LRMDA: variants seen among roughly 807,000 people sequenced by gnomAD.
LRMDA encodes leucine-rich melanocyte differentiation-associated protein.
In LRMDA, 18 loss-of-function variants were observed where a neutral mutation model predicts 29.8. That is an observed-to-expected ratio of 0.60 (90% CI 0.42 to 0.90). The LOEUF is 0.90. Among genes scored for constraint, LRMDA ranks in the 40% least tolerant of loss-of-function variants. The pLI, the probability that LRMDA is intolerant of heterozygous loss-of-function variation, is 0.00. For synonymous variants in LRMDA, 125 were observed against 109.4 expected (o/e 1.14, Z -0.89); for missense variants, 273 against 273.9 (o/e 1.00, Z 0.02).
chr10:76,080,333 T>C lies in LRMDA; in HGVS notation c.516+21550T>C, dbSNP rs146346681. 5.7e-4 allele frequency among the ~76,000 whole-genome samples: 87 copies of C among 152,308 alleles called. 1 individual carries two copies. The highest frequency in any genetic ancestry group is 2.0e-3 in the African/African-American group (85 of 41,564). ...CCCAAGTGAGAAGGCAAGGAATGTA[T>C]CTCATCTACCTTCTGTTTACCCCAT... On this transcript the variant is annotated intron_variant, in intron 5 of 6. Transcript: ENST00000611255.
intron 5 of LRMDA, among the ~76,000 whole-genome samples, chr10:76,227,227 G>A (rs1307140202): frequency 6.6e-6 from 1 of 152,160 alleles, no homozygotes; most frequent in African/African-American, 2.4e-5. Flanking sequence ...TTCCTCCTTG[G>A]ATTCAAAGTC....
At chr10:75,469,912 T>A (rs1844706116) in intron 2 of LRMDA, among the ~76,000 whole-genome samples, 1 of 152,192 alleles carries the variant, frequency 6.6e-6, no homozygotes, top group South Asian at 2.1e-4. Flanking sequence ...CTCTTGGTTG[T>A]CTATTGTGTG....
intron 2 of LRMDA, among the ~76,000 whole-genome samples, chr10:75,674,117 G>A (rs1202794152): frequency 6.6e-6 from 1 of 152,128 alleles, no homozygotes; most frequent in Non-Finnish European, 1.5e-5. Flanking sequence ...GTTTTTCCTT[G>A]GATAGATATT....
rs535122211 is a variant in LRMDA at position 75,861,490 on chromosome 10, G to A, written c.132-174518G>A. On this transcript the variant is annotated intron_variant, in intron 2 of 6. Coordinates refer to ENST00000611255, the MANE Select transcript of LRMDA (RefSeq NM_001305581.2). ...TGCAGTATTCCTTGTGTTATCACTGGCTATGTCTAGAGTTTTTCAAATTAA... is the reference window on the plus strand; with the variant it reads ...TGCAGTATTCCTTGTGTTATCACTGACTATGTCTAGAGTTTTTCAAATTAA... Among the ~76,000 whole-genome samples, 11 of 152,272 alleles carry A rather than the reference G, an allele frequency of 7.2e-5. No homozygotes were observed. The South Asian group carries it at 2.3e-3, about 32-fold the overall frequency.
chr10:76,452,187 A>C (rs1336402308), intron 6 of LRMDA, among the ~76,000 whole-genome samples: 3 of 152,084 alleles, frequency 2.0e-5, no homozygotes, highest in African/African-American at 7.2e-5. Flanking sequence ...CTATGCTCTT[A>C]TTTTGCTTCT....
At chr10:76,365,911 T>G (rs547452466) in intron 6 of LRMDA, among the ~76,000 whole-genome samples, 1 of 152,190 alleles carries the variant, frequency 6.6e-6, no homozygotes, top group Non-Finnish European at 1.5e-5. Context: ...CCATCTTGAG[T>G]TGATTTTTGT....
rs571164916 is a variant in LRMDA, at chr10:75,786,347, G to A, written c.132-249661G>A. Among the ~76,000 whole-genome samples the A allele has an allele frequency of 9.9e-5, 15 of 152,210 alleles. No homozygotes were observed. In the South Asian group the frequency reaches 2.1e-3, roughly 21 times the overall value. ...TTGGGGCTCCAGAACAAGTATCCAGGCACCTAAATGGTATCTAGCTAATAT... is the reference window on the plus strand; with the variant it reads ...TTGGGGCTCCAGAACAAGTATCCAGACACCTAAATGGTATCTAGCTAATAT... On this transcript the variant is annotated intron_variant, in intron 2 of 6. Transcript: ENST00000611255.
At chr10:76,511,443 C>G (rs1268039342) in intron 6 of LRMDA, among the ~76,000 whole-genome samples, 1 of 151,892 alleles carries the variant, frequency 6.6e-6, no homozygotes, top group African/African-American at 2.4e-5. Flanking sequence ...CTGTCAGCAG[C>G]CAGATAATGG....
chr10:76,237,152 C>T (rs933569667), intron 5 of LRMDA, among the ~76,000 whole-genome samples: 10 of 152,034 alleles, frequency 6.6e-5, no homozygotes, highest in African/African-American at 1.4e-4. Context: ...CTACTGCATT[C>T]GAGCCTGGGC....
intron 2 of LRMDA, among the ~76,000 whole-genome samples, chr10:75,440,778 G>A (rs1223590085): frequency 6.6e-6 from 1 of 152,192 alleles, no homozygotes; most frequent in Non-Finnish European, 1.5e-5. Flanking sequence ...GCTCATAGCT[G>A]TAATCCCAGC....
chr10:75,975,298 A>G (rs1847050886), intron 2 of LRMDA, among the ~76,000 whole-genome samples: 1 of 152,212 alleles, frequency 6.6e-6, no homozygotes, highest in Non-Finnish European at 1.5e-5. Flanking sequence ...GTTGTTTCCC[A>G]GGACTTCCTG....
At position 76,546,287 on chromosome 10, in the gene LRMDA, T is replaced by C. The variant is rs1049653196; in HGVS notation, c.602-10922T>C. ...CAGGAGATCCTAAGATCTTGAGAAA[T>C]GTTCAATCTGCAGTCTTCCCACCCC... is the stretch of plus-strand genomic sequence containing the variant. On this transcript the variant is annotated intron_variant, in intron 6 of 6. Transcript: ENST00000611255. Among the ~76,000 whole-genome samples the C allele has an allele frequency of 2.0e-5, 3 of 152,178 alleles. 1 individual carries two copies. Among genetic ancestry groups the C allele is most frequent in the Non-Finnish European group, 1.5e-5 (1 of 68,032 alleles).
intron 6 of LRMDA, among the ~76,000 whole-genome samples, chr10:76,441,835 T>C (rs1255629351): frequency 6.6e-6 from 1 of 152,160 alleles, no homozygotes; most frequent in African/African-American, 2.4e-5. Context: ...ATCATAGGTA[T>C]TAAGTATGAC....
intron 2 of LRMDA, among the ~76,000 whole-genome samples, chr10:75,654,200 T>C (rs894762512): frequency 1.4e-4 from 21 of 152,230 alleles, no homozygotes; most frequent in African/African-American, 5.1e-4. Flanking sequence ...CAAGAGGTGG[T>C]TGAAAGGTCC....
chr10:76,546,550 A>T (rs1477739723), intron 6 of LRMDA, among the ~76,000 whole-genome samples: 1 of 152,182 alleles, frequency 6.6e-6, no homozygotes, highest in South Asian at 2.1e-4. Context: ...AGCTAAGAAG[A>T]TGTGTGAGGG....
At chr10:76,296,853 T>C (rs751351748) in intron 5 of LRMDA, among the ~76,000 whole-genome samples, 1 of 152,256 alleles carries the variant, frequency 6.6e-6, no homozygotes, top group Non-Finnish European at 1.5e-5. Flanking sequence ...GGATACCTAG[T>C]GATCCCAACA....
intron 2 of LRMDA, among the ~76,000 whole-genome samples, chr10:75,993,592 G>A (rs987543954): frequency 1.2e-4 from 19 of 152,082 alleles, no homozygotes; most frequent in African/African-American, 4.3e-4. Context: ...ACTTAGCCAG[G>A]CGTGATGGTG....
intron 6 of LRMDA, among the ~76,000 whole-genome samples, chr10:76,491,839 G>A (rs1255282332): frequency 1.3e-5 from 2 of 151,828 alleles, no homozygotes; most frequent in Admixed American, 1.3e-4. Context: ...CTATTTTCTA[G>A]ATTTTATAGG....
At chr10:75,572,758 A>AT (rs1479162800) in intron 2 of LRMDA, among the ~76,000 whole-genome samples, 1 of 152,180 alleles carries the variant, frequency 6.6e-6, no homozygotes, top group African/African-American at 2.4e-5. Context: ...TCTTCCTAAA[A>AT]TTTATATGTT....
Sources: allele counts gnomAD v4.1 joint callset (sites outside exome capture counted in the v4.1 genomes callset), GRCh38; gene constraint gnomAD v4.1.1; transcripts MANE v1.5; gene names NCBI Gene and HGNC (gene_info 2026-07-23, HGNC 2026-07-21).